Variants in NCALD observed in about 807,000 individuals in gnomAD.
NCALD encodes the protein neurocalcin-delta.
Under a neutral mutation model 18.6 loss-of-function variants are expected in NCALD, and 10 were observed. That is an observed-to-expected ratio of 0.54 (90% CI 0.33 to 0.91). The LOEUF is 0.91. Among genes scored for constraint, NCALD ranks in the 40% least tolerant of loss-of-function variants. NCALD has a pLI of 0.03. For missense variants in NCALD, 184 were observed against 247.6 expected (o/e 0.74, Z 1.72); for synonymous variants, 88 against 87.4 (o/e 1.01, Z -0.04).
intron 4 of NCALD, among the ~76,000 whole-genome samples, chr8:101,829,234 T>C (rs1814071314): frequency 6.6e-6 from 1 of 152,220 alleles, no homozygotes; most frequent in Admixed American, 6.5e-5. Context: ...AGGTCTCATC[T>C]TTTTCTGAGA....
intron 3 of NCALD, among the ~76,000 whole-genome samples, chr8:101,902,777 G>C (rs1176387885): frequency 1.3e-5 from 2 of 151,954 alleles, no homozygotes; most frequent in East Asian, 3.9e-4. Flanking sequence ...ATTTCTGCTT[G>C]CTTACCTGGC....
upstream of NCALD, among the ~76,000 whole-genome samples, chr8:101,795,651 G>A (rs1812611675): frequency 6.6e-6 from 1 of 152,176 alleles, no homozygotes; most frequent in Non-Finnish European, 1.5e-5. Flanking sequence ...TTCAACATAT[G>A]AATTTGGGGA....
intron 1 of NCALD, among the ~76,000 whole-genome samples, chr8:102,024,666 T>C (rs1311058143): frequency 6.6e-6 from 1 of 152,208 alleles, no homozygotes; most frequent in Non-Finnish European, 1.5e-5. Flanking sequence ...GAACTTTGTC[T>C]TCTGGTCTCC....
intron 1 of NCALD, among the ~76,000 whole-genome samples, chr8:102,021,207 CAGA>C (rs1337498358): frequency 2.0e-5 from 3 of 152,154 alleles, no homozygotes; most frequent in Non-Finnish European, 4.4e-5. Context: ...ACTGGTCTCA[CAGA>C]AGAAGTTTAA....
chr8:101,716,276 A>G (rs1479884675), intron 2 of NCALD, among the ~76,000 whole-genome samples: 1 of 152,038 alleles, frequency 6.6e-6, no homozygotes, highest in East Asian at 1.9e-4. Context: ...CAATGAGAAT[A>G]TATGGGCACA....
rs369201039 is a variant in NCALD, at chr8:102,106,445, GTATA to G, written c.-210+17788_-210+17791del. Among the ~76,000 whole-genome samples the G allele has an allele frequency of 3.8e-3, 501 of 132,618 alleles. 1 individual carries two copies. The highest frequency in any genetic ancestry group is 0.019 in the South Asian group (77 of 4,110). The allele number at this position is 132,618 out of a possible 152,430, so 87.0% of individuals were successfully genotyped here. ...GTACGTGTAAAACTATTAGCATATA[GTATA>G]TATATATATATATATATACACACAC... On this transcript the variant is annotated intron_variant, in intron 1 of 6. Transcript: ENST00000311028.
rs552707016 is a variant in NCALD at position 102,005,520 on chromosome 8, T to C, written c.-157+14717A>G. Among the ~76,000 whole-genome samples, 142 of 152,308 alleles carry C rather than the reference T, an allele frequency of 9.3e-4. 2 individuals are homozygous for C. The highest frequency in any genetic ancestry group is 5.4e-3 in the Admixed American group (83 of 15,300). ...AATACCATTTGACCCAACCATCCCATTACTGGGTATATACCCAAAGGATTA... is the reference window on the plus strand; with the variant it reads ...AATACCATTTGACCCAACCATCCCACTACTGGGTATATACCCAAAGGATTA... On this transcript the variant is annotated intron_variant, in intron 2 of 6. Transcript: ENST00000311028.
chr8:101,768,540 C>T (rs1811445215), intron 1 of NCALD, among the ~76,000 whole-genome samples: 1 of 152,112 alleles, frequency 6.6e-6, no homozygotes, highest in Non-Finnish European at 1.5e-5. Context: ...GAAGCCTCAT[C>T]TCTACTAAAA....
intron 2 of NCALD, among the ~76,000 whole-genome samples, chr8:101,983,154 C>T (rs1409827353): frequency 6.6e-6 from 1 of 152,138 alleles, no homozygotes; most frequent in Non-Finnish European, 1.5e-5. Context: ...GCACATTTAT[C>T]ACAGAAGTTC....
intron 1 of NCALD, among the ~76,000 whole-genome samples, chr8:102,063,890 G>A (rs1012925065): frequency 2.0e-5 from 3 of 152,084 alleles, no homozygotes; most frequent in African/African-American, 2.4e-5. Flanking sequence ...GGTGAGTCCC[G>A]AAAAGACTAT....
intron 3 of NCALD, among the ~76,000 whole-genome samples, chr8:101,890,476 T>C (rs1391408980): frequency 1.3e-5 from 2 of 152,174 alleles, no homozygotes; most frequent in Admixed American, 6.5e-5. Flanking sequence ...TAATCCCCAA[T>C]GCAACAGTAT....
intron 2 of NCALD, among the ~76,000 whole-genome samples, chr8:101,960,411 A>AT (rs1819794452): frequency 6.6e-6 from 1 of 152,208 alleles, no homozygotes; most frequent in Non-Finnish European, 1.5e-5. Context: ...GGAAAAAATA[A>AT]TTGTATCAAA....
intron 1 of NCALD, among the ~76,000 whole-genome samples, chr8:102,044,761 C>A (rs559257205): frequency 1.0e-3 from 159 of 152,248 alleles, no homozygotes; most frequent in South Asian, 8.5e-3. Context: ...CAGTTAAGAG[C>A]ATATGGTTAA....
intron 1 of NCALD, among the ~76,000 whole-genome samples, chr8:102,093,756 C>G (rs1825001111): frequency 6.6e-6 from 1 of 152,222 alleles, no homozygotes; most frequent in Admixed American, 6.5e-5. Context: ...CTTGGTCTTA[C>G]TACCTGCCAG....
At chr8:101,896,756 C>G (rs561897357) in intron 3 of NCALD, among the ~76,000 whole-genome samples, 1 of 132,420 alleles carries the variant, frequency 7.6e-6, no homozygotes, top group East Asian at 2.1e-4. Flanking sequence ...CCAAAAAACA[C>G]ATGAAAAAAT....
At chr8:101,818,183 C>T (rs1813575426) in intron 4 of NCALD, among the ~76,000 whole-genome samples, 1 of 152,272 alleles carries the variant, frequency 6.6e-6, no homozygotes, top group East Asian at 1.9e-4. Flanking sequence ...ATTCCATTAT[C>T]ATGCACAGGA....
At chr8:102,013,162 C>G (rs1256992576) in intron 2 of NCALD, among the ~76,000 whole-genome samples, 1 of 152,130 alleles carries the variant, frequency 6.6e-6, no homozygotes, top group Admixed American at 6.5e-5. Context: ...CTCCATGCTC[C>G]CTCAAGGGAG....
chr8:101,739,383 C>G (rs1810086353), intron 1 of NCALD, among the ~76,000 whole-genome samples: 1 of 152,190 alleles, frequency 6.6e-6, no homozygotes, highest in South Asian at 2.1e-4. Context: ...TAGTGTCTAT[C>G]TTTCCCTGTG....
chr8:101,847,235 C>CTT, intron 4 of NCALD: 1 of 200,490 alleles, frequency 5.0e-6, no homozygotes, highest in South Asian at 9.3e-5. Flanking sequence ...CCTTCTTCTT[C>CTT]TTTTTTTTTT....
Sources: allele counts gnomAD v4.1 joint callset (sites outside exome capture counted in the v4.1 genomes callset), GRCh38; gene constraint gnomAD v4.1.1; transcripts MANE v1.5; gene names NCBI Gene and HGNC (gene_info 2026-07-23, HGNC 2026-07-21).